AHCY: variants seen among roughly 807,000 people sequenced by gnomAD.
AHCY encodes S-adenosyl-L-homocysteine hydrolase.
A neutral mutation model predicts 45.4 loss-of-function variants in AHCY; 24 were observed. The observed-to-expected ratio is 0.53, with a 90% CI of 0.38 to 0.74. The LOEUF (loss-of-function observed/expected upper bound fraction) is 0.74. AHCY is among the 30% of genes least tolerant of loss of function. AHCY has a pLI of 0.00. For missense variants in AHCY, 449 were observed against 594.1 expected (o/e 0.76, Z 2.54); for synonymous variants, 245 against 235.1 (o/e 1.04, Z -0.39).
chr20:34,262,527 G>A, the AHCY span, among the ~76,000 whole-genome samples: 1 of 152,210 alleles, frequency 6.6e-6, no homozygotes, highest in East Asian at 1.9e-4. Flanking sequence ...GGCTCTGAGT[G>A]GCCCAAGCTC....
rs190257421 is a variant in AHCY at position 34,288,808 on chromosome 20, A to G, written c.972+1524T>C. On this transcript the variant is annotated intron_variant, in intron 8 of 9. Coordinates refer to ENST00000217426, the MANE Select transcript of AHCY (RefSeq NM_000687.4). ...TATCCAAAGCCAAAATGTCTTCCAG[A>G]AACATACTACTTTTATAATCAGAGA... Among the ~76,000 whole-genome samples, 37 of 152,324 alleles carry G rather than the reference A, an allele frequency of 2.4e-4. 1 individual carries two copies. Among genetic ancestry groups the G allele is most frequent in the Admixed American group, 1.2e-3 (18 of 15,308 alleles).
At position 34,290,315 on chromosome 20, in the gene AHCY, A is replaced by T; in HGVS notation, c.972+17T>A. On this transcript the variant is annotated intron_variant, in intron 8 of 9. Coordinates refer to ENST00000217426, the MANE Select transcript of AHCY (RefSeq NM_000687.4). This position sits in a 1 kb window ranked among gnomAD's most constrained non-coding sequence, Gnocchi z 4.5. ...CTCCCATCTGCCCAGCCCACTGGCA[A>T]GGCGGGAGCTTCTCACCTGCGGCTT... is the stretch of plus-strand genomic sequence containing the variant. 2 of 1,611,814 alleles carry T rather than the reference A, an allele frequency of 1.2e-6. No homozygotes were observed. The highest frequency in any genetic ancestry group is 1.7e-6 in the Non-Finnish European group (2 of 1,178,386).
chr20:34,304,663 G>A (rs1260439536), upstream of AHCY, among the ~76,000 whole-genome samples: 1 of 151,782 alleles, frequency 6.6e-6, no homozygotes, highest in Non-Finnish European at 1.5e-5. Context: ...TGGATTACAG[G>A]CACGCACCAC....
At chr20:34,275,131 C>CTTTT in the AHCY span, among the ~76,000 whole-genome samples, 1 of 99,450 alleles carries the variant, frequency 1.0e-5, no homozygotes, top group African/African-American at 3.1e-5. Context: ...TCTCTATTTT[C>CTTTT]TTTTTTTTTT....
the AHCY span, among the ~76,000 whole-genome samples, chr20:34,251,869 A>G: frequency 6.6e-6 from 1 of 152,164 alleles, no homozygotes; most frequent in African/African-American, 2.4e-5. Flanking sequence ...CCCTCACTAG[A>G]TATCGAATCT....
chr20:34,255,537 A>G, the AHCY span, among the ~76,000 whole-genome samples: 8 of 152,348 alleles, frequency 5.3e-5, no homozygotes, highest in Non-Finnish European at 7.3e-5. Flanking sequence ...AATATATAGA[A>G]TAAGAATAGT....
chr20:34,243,758 T>TAA, the AHCY span, among the ~76,000 whole-genome samples: 18,082 of 133,950 alleles, frequency 0.13, 3,888 homozygotes, highest in African/African-American at 0.45. Flanking sequence ...ATATTGTATT[T>TAA]AAAAAAAAAA....
chr20:34,283,398 G>A (rs532819888), intron 9 of AHCY, among the ~76,000 whole-genome samples: 3 of 152,240 alleles, frequency 2.0e-5, no homozygotes, highest in South Asian at 2.1e-4. Context: ...AGAGTCATTC[G>A]TGCAGTAGGT....
rs1601655907 is a variant in AHCY at position 34,290,338 on chromosome 20, C to T, written c.966G>A (p.Lys322=). Residue 322 remains lysine (K), a synonymous_variant, in exon 8 of 10, where the codon AAG becomes AAA. Coordinates refer to ENST00000217426, the MANE Select transcript of AHCY (RefSeq NM_000687.4). The surrounding 1 kb of genome is among the most constrained non-coding windows in gnomAD (Gnocchi z 4.5). ...CAAGGCGGGAGCTTCTCACCTGCGG[C>T]TTGATGTTCACCTTCTCCACGGCGT... ...NENAVEKVNI[K]PQVDRYRLKN... is the part of the protein sequence containing the mutation. The T allele has an allele frequency of 1.9e-6, 3 of 1,614,100 alleles. No homozygotes were observed. The highest frequency in any genetic ancestry group is 1.7e-5 in the Admixed American group (1 of 60,028).
the AHCY span, among the ~76,000 whole-genome samples, chr20:34,235,925 AG>A: frequency 7.7e-6 from 1 of 129,736 alleles, no homozygotes; most frequent in Non-Finnish European, 1.6e-5. Flanking sequence ...GAAGGAAGGA[AG>A]GAAGCGGGAG....
chr20:34,263,854 A>G, the AHCY span, among the ~76,000 whole-genome samples: 1 of 151,814 alleles, frequency 6.6e-6, no homozygotes. Context: ...TATTTTTAGT[A>G]GAGATGGGGT....
chr20:34,293,938 T>TG, intron 3 of AHCY, 143 bp downstream of exon 3: 1 of 816,524 alleles, frequency 1.2e-6, no homozygotes, highest in South Asian at 1.5e-5. Flanking sequence ...CTCTTTCCTG[T>TG]GGGGTCGCTG....
chr20:34,236,280 C>T, the AHCY span, among the ~76,000 whole-genome samples: 1 of 152,190 alleles, frequency 6.6e-6, no homozygotes, highest in African/African-American at 2.4e-5. Flanking sequence ...TGGCTCACGC[C>T]TATAATCCCA....
the AHCY span, among the ~76,000 whole-genome samples, chr20:34,253,264 C>A: frequency 6.6e-6 from 1 of 151,542 alleles, no homozygotes; most frequent in African/African-American, 2.4e-5. Context: ...TGCCACCACG[C>A]CCGCCTAATT....
downstream of AHCY, among the ~76,000 whole-genome samples, chr20:34,277,579 C>G: frequency 6.6e-6 from 1 of 151,720 alleles, no homozygotes; most frequent in East Asian, 1.9e-4. Context: ...CACGGTGAAA[C>G]CCCATCTCTA....
At chr20:34,263,774 T>C in the AHCY span, among the ~76,000 whole-genome samples, 34 of 151,834 alleles carry the variant, frequency 2.2e-4, no homozygotes, top group East Asian at 4.1e-3. Flanking sequence ...GTTCAAGCGA[T>C]TCTCATGCCT....
At chr20:34,272,785 G>A in the AHCY span, among the ~76,000 whole-genome samples, 1 of 152,222 alleles carries the variant, frequency 6.6e-6, no homozygotes, top group Non-Finnish European at 1.5e-5. Flanking sequence ...TCAAGAGGCT[G>A]AGGCAGGAGG....
chr20:34,258,873 CTATA>C, the AHCY span, among the ~76,000 whole-genome samples: 1 of 99,700 alleles, frequency 1.0e-5, no homozygotes, highest in Non-Finnish European at 1.7e-5. Flanking sequence ...ATATATAATA[CTATA>C]TATATAGTAT....
the AHCY span, among the ~76,000 whole-genome samples, chr20:34,264,055 G>GA: frequency 2.0e-5 from 3 of 151,328 alleles, no homozygotes; most frequent in East Asian, 1.9e-4. Context: ...TTTAAAAAAT[G>GA]AAAAAAAAGT....
Sources: allele counts gnomAD v4.1 joint callset (sites outside exome capture counted in the v4.1 genomes callset), GRCh38; gene constraint gnomAD v4.1.1; non-coding constraint Gnocchi (gnomAD v3.1); transcripts MANE v1.5; gene names NCBI Gene and HGNC (gene_info 2026-07-23, HGNC 2026-07-21).